Variants in NHSL2 observed in about 807,000 individuals in gnomAD.
NHSL2 encodes the protein NHS like 2.
In NHSL2, 27 loss-of-function variants were observed where a neutral mutation model predicts 53.4. The ratio of observed to expected loss-of-function variants is 0.51; its 90% CI spans 0.37 to 0.70. The LOEUF is 0.70. Ranked by LOEUF, NHSL2 falls within the 30% of genes least tolerant of loss-of-function variation. NHSL2 has a pLI of 0.00. For synonymous variants in NHSL2, 408 were observed against 404.1 expected, an observed-to-expected ratio of 1.01 and a Z score of -0.12; for missense variants, 892 against 980.1, an observed-to-expected ratio of 0.91 and a Z score of 1.20.
chrX:72,053,068 T>G (rs1462998735), intron 1 of NHSL2, among the ~76,000 whole-genome samples: 1 of 112,090 alleles, frequency 8.9e-6, no homozygotes, highest in Non-Finnish European at 1.9e-5. Flanking sequence ...GCCATAACAA[T>G]ACATCCTAAA....
intron 1 of NHSL2, among the ~76,000 whole-genome samples, chrX:72,083,618 G>A (rs770330063): frequency 1.2e-4 from 14 of 112,055 alleles, no homozygotes; most frequent in Admixed American, 1.9e-4. Context: ...TCTATTTATG[G>A]CAAGTGATAC....
At chrX:71,952,702 A>G (rs1370877759) in intron 1 of NHSL2, among the ~76,000 whole-genome samples, 2 of 110,241 alleles carry the variant, frequency 1.8e-5, no homozygotes, top group Non-Finnish European at 3.8e-5. Flanking sequence ...GTTCCAACAT[A>G]CGAATTTTGG....
rs1221633275 is a variant in NHSL2 at position 72,140,625 on chromosome X, T to C, written c.3077T>C (p.Val1026Ala). ...CCCACAGCTCAAATGGAGGCCTATGTGGCAGAACCAAGGCTGCCTCTCAGC... is the reference window on the plus strand; with the variant it reads ...CCCACAGCTCAAATGGAGGCCTATGCGGCAGAACCAAGGCTGCCTCTCAGC... ...TSPTAQMEAY[V>A]AEPRLPLSPI... Residue 1026 changes from valine to alanine, a missense_variant, in exon 6 of 8, where the codon GTG (valine) becomes GCG (alanine). Transcript: ENST00000633930. 2 of 1,210,758 alleles carry C rather than the reference T, an allele frequency of 1.7e-6. No individual in the cohort carries two copies. The highest frequency in any genetic ancestry group is 2.2e-6 in the Non-Finnish European group (2 of 895,296).
intron 1 of NHSL2, among the ~76,000 whole-genome samples, chrX:72,022,545 G>C (rs369142629): frequency 1.8e-5 from 2 of 111,140 alleles, no homozygotes; most frequent in East Asian, 5.7e-4. Flanking sequence ...GCAGAGAACA[G>C]AGAGAGGAAG....
At chrX:71,972,866 TTGTGTGTGTGTGTGTG>T (rs372160139) in intron 1 of NHSL2, among the ~76,000 whole-genome samples, 1 of 93,800 alleles carries the variant, frequency 1.1e-5, no homozygotes, top group Non-Finnish European at 2.1e-5. Flanking sequence ...ATCTTTATTG[TTGTGTGTGTGTGTGTG>T]TGTGTGTGTG....
rs1556380542 is a variant in NHSL2 at position 72,148,835 on chromosome X, A to AGAGTGTGTGTGTGTGTGT, written c.*5262_*5263insAGTGTGTGTGTGTGTGTG. 1 of 25,463 alleles carries AGAGTGTGTGTGTGTGTGT rather than the reference A, an allele frequency of 3.9e-5. No homozygotes were observed. Among genetic ancestry groups the AGAGTGTGTGTGTGTGTGT allele is most frequent in the African/African-American group, 9.6e-5 (1 of 10,441 alleles). 2.1% of individuals were successfully genotyped at this position (25,463 alleles called of 1,213,427 possible). A position where few individuals can be genotyped will look rare whatever the true frequency, so the allele number is the denominator to read the frequency against. On this transcript the variant is annotated 3_prime_UTR_variant, in exon 8 of 8. Transcript: ENST00000633930. ...GAGAGGGAGAAAGAGAGAGAGAGAG[A>AGAGTGTGTGTGTGTGTGT]GTGTATGTGTGTGTGTGTGTGTGTG...
intron 1 of NHSL2, among the ~76,000 whole-genome samples, chrX:71,987,792 C>A (rs1041253379): frequency 6.2e-5 from 7 of 112,382 alleles, no homozygotes; most frequent in African/African-American, 2.3e-4. Flanking sequence ...AGGAATTGAA[C>A]CCTGAAGCCA....
At chrX:72,033,875 TTTTC>T (rs1263309619) in intron 1 of NHSL2, among the ~76,000 whole-genome samples, 1 of 111,825 alleles carries the variant, frequency 8.9e-6, no homozygotes, top group Non-Finnish European at 1.9e-5. Context: ...TTTGTATGCC[TTTTC>T]TTTCTTTTTC....
chrX:71,921,794 A>G (rs917972932), intron 1 of NHSL2, among the ~76,000 whole-genome samples: 2 of 112,373 alleles, frequency 1.8e-5, no homozygotes, highest in Non-Finnish European at 3.8e-5. Flanking sequence ...GCTGTGCCAG[A>G]AATTCCAAAT....
At chrX:72,103,985 C>T (rs2042017661) in intron 1 of NHSL2, among the ~76,000 whole-genome samples, 1 of 112,729 alleles carries the variant, frequency 8.9e-6, no homozygotes, top group African/African-American at 3.2e-5. Context: ...TGTGGACTCC[C>T]CATAGCACAG....
chrX:72,009,579 C>A (rs2042107786), intron 1 of NHSL2, among the ~76,000 whole-genome samples: 1 of 112,759 alleles, frequency 8.9e-6, no homozygotes, highest in Admixed American at 9.3e-5. Flanking sequence ...CAGTTTGTTA[C>A]CTTCTCAGTT....
intron 1 of NHSL2, among the ~76,000 whole-genome samples, chrX:72,097,641 T>G (rs764263154): frequency 7.1e-5 from 8 of 112,105 alleles, no homozygotes; most frequent in African/African-American, 2.6e-4. Flanking sequence ...GAAGCTATTA[T>G]CTGCTTGACA....
At chrX:72,064,959 G>A (rs1181756624) in intron 1 of NHSL2, among the ~76,000 whole-genome samples, 2 of 112,115 alleles carry the variant, frequency 1.8e-5, no homozygotes, top group Non-Finnish European at 1.9e-5. Context: ...CCTGAGCACA[G>A]TGCTCAGTGA....
intron 1 of NHSL2, among the ~76,000 whole-genome samples, chrX:71,984,945 T>C (rs1378944133): frequency 1.8e-5 from 2 of 108,694 alleles, no homozygotes; most frequent in African/African-American, 3.4e-5. Flanking sequence ...TGCCTCAGCC[T>C]CCTGAGTAGC....
In NHSL2 at chrX:72,144,725, C is replaced by T. The variant is rs1273373164; in HGVS notation, c.*1151C>T. On this transcript the variant is annotated 3_prime_UTR_variant, in exon 8 of 8. Coordinates refer to ENST00000633930, the MANE Select transcript of NHSL2 (RefSeq NM_001013627.3). ...TAATGCACACACACACACACACACACACACACACACACACACACACAAAAG... is the reference window on the plus strand; with the variant it reads ...TAATGCACACACACACACACACACATACACACACACACACACACACAAAAG... 1 of 222,776 alleles carries T rather than the reference C, an allele frequency of 4.5e-6. No individual in the cohort carries two copies. 18.4% of individuals were successfully genotyped at this position (222,776 alleles called of 1,213,427 possible). A position where few individuals can be genotyped will look rare whatever the true frequency, so the allele number is the denominator to read the frequency against.
chrX:71,922,735 G>A (rs1431585779), intron 1 of NHSL2, among the ~76,000 whole-genome samples: 1 of 112,456 alleles, frequency 8.9e-6, no homozygotes, highest in Non-Finnish European at 1.9e-5. Context: ...AGTTCCACTT[G>A]AAATGCTGAA....
At position 72,114,926 on chromosome X, in the gene NHSL2, C is replaced by T. The variant is rs146355272; in HGVS notation, c.281-17153C>T. 1.3e-3 allele frequency among the ~76,000 whole-genome samples: 151 copies of T among 112,185 alleles called. 1 individual carries two copies. Among genetic ancestry groups the T allele is most frequent in the African/African-American group, 4.7e-3 (145 of 30,880 alleles). On this transcript the variant is annotated intron_variant, in intron 1 of 7. Coordinates refer to ENST00000633930, the MANE Select transcript of NHSL2 (RefSeq NM_001013627.3). ...AGAAGCCTGGCTTCATCTTCCACTC[C>T]GAGCTGTGATCTCCATTCCTGATTT... is the stretch of plus-strand genomic sequence containing the variant.
Position 72,009,429 on chromosome X carries a change from G to A in NHSL2, c.280+98062G>A, listed in dbSNP as rs150210412. Among the ~76,000 whole-genome samples the A allele has an allele frequency of 4.5e-3, 509 of 112,876 alleles. 4 individuals are homozygous for A. The highest frequency in any genetic ancestry group is 7.8e-3 in the Non-Finnish European group (417 of 53,295). ...CATCCACACAGGTCAGCCTACCAGG[G>A]TACAAGCTGTGTGGAGAAGGGTGGA... On this transcript the variant is annotated intron_variant, in intron 1 of 7. Transcript: ENST00000633930.
At position 72,053,912 on chromosome X, in the gene NHSL2, T is replaced by C. The variant is rs2042354229; in HGVS notation, c.281-78167T>C. The stretch of plus-strand genomic sequence containing the variant: ...CAACACAGAATAAGTCTGCTTCTCC[T>C]TCCCAGAACCTGAGCTTGGGATAGA... On this transcript the variant is annotated intron_variant, in intron 1 of 7. Coordinates refer to ENST00000633930, the MANE Select transcript of NHSL2 (RefSeq NM_001013627.3). Among the ~76,000 whole-genome samples, 3 of 112,018 alleles carry C rather than the reference T, an allele frequency of 2.7e-5. No individual in the cohort carries two copies. The Admixed American group carries it at 2.8e-4, about 11-fold the overall frequency.
Sources: allele counts gnomAD v4.1 joint callset (sites outside exome capture counted in the v4.1 genomes callset), GRCh38; gene constraint gnomAD v4.1.1; transcripts MANE v1.5; gene names NCBI Gene and HGNC (gene_info 2026-07-23, HGNC 2026-07-21).